Variants in NRIP1 observed in about 807,000 individuals in gnomAD.
The protein encoded by NRIP1 is nuclear receptor interacting protein 1.
In NRIP1, 28 loss-of-function variants were observed where a neutral mutation model predicts 75.0. That is an observed-to-expected ratio of 0.37 (90% CI 0.28 to 0.51). The LOEUF (loss-of-function observed/expected upper bound fraction) is 0.51. Ranked by LOEUF, NRIP1 falls within the 20% of genes least tolerant of loss-of-function variation. The probability of loss-of-function intolerance (pLI) is 0.92; values close to 1 mark genes in which losing one functional copy is unlikely to be tolerated. For missense variants in NRIP1, 1,435 were observed against 1,343.7 expected, an observed-to-expected ratio of 1.07 and a Z score of -1.06; for synonymous variants, 526 against 487.6, an observed-to-expected ratio of 1.08 and a Z score of -1.04.
chr21:15,036,017 T>C (rs1416931828), intron 2 of NRIP1, among the ~76,000 whole-genome samples: 2 of 152,198 alleles, frequency 1.3e-5, no homozygotes, highest in Non-Finnish European at 2.9e-5. Flanking sequence ...ACAAACTGCA[T>C]GCCCATGTTT....
chr21:14,977,111 C>CT (rs2087093651), intron 3 of NRIP1, among the ~76,000 whole-genome samples: 1 of 152,122 alleles, frequency 6.6e-6, no homozygotes, highest in Non-Finnish European at 1.5e-5. Context: ...AGAATAACTC[C>CT]TAATGGACAA....
chr21:14,981,753 CTCA>C (rs1369436988), intron 3 of NRIP1, among the ~76,000 whole-genome samples: 6 of 152,028 alleles, frequency 3.9e-5, no homozygotes, highest in African/African-American at 1.5e-4. Flanking sequence ...ATGAAAATCT[CTCA>C]TCATTTTTCT....
intron 1 of NRIP1, among the ~76,000 whole-genome samples, chr21:15,052,962 T>C (rs1444335648): frequency 2.6e-5 from 4 of 152,224 alleles, no homozygotes; most frequent in African/African-American, 9.7e-5. Context: ...AAGAAATCCA[T>C]ATTAATTTTA....
At chr21:14,971,967 A>T (rs1473385626) in intron 3 of NRIP1, among the ~76,000 whole-genome samples, 1 of 152,260 alleles carries the variant, frequency 6.6e-6, no homozygotes, top group Admixed American at 6.5e-5. Flanking sequence ...CGTACCAATT[A>T]CATGAAGTAG....
chr21:14,985,416 T>C (rs1482248890), intron 3 of NRIP1, among the ~76,000 whole-genome samples: 2 of 152,166 alleles, frequency 1.3e-5, no homozygotes, highest in African/African-American at 4.8e-5. Flanking sequence ...GAGAGTTCTG[T>C]GGGTTTAGAA....
At chr21:15,003,752 T>C (rs1388622092) in intron 3 of NRIP1, among the ~76,000 whole-genome samples, 1 of 151,938 alleles carries the variant, frequency 6.6e-6, no homozygotes. Flanking sequence ...AATTATCCCC[T>C]GTCAAAAGAA....
intron 3 of NRIP1, among the ~76,000 whole-genome samples, chr21:15,007,963 A>T (rs909400701): frequency 9.2e-5 from 14 of 152,164 alleles, no homozygotes; most frequent in African/African-American, 3.4e-4. Context: ...GCTGTCAGTA[A>T]ATCAAGTGTC....
At chr21:15,032,497 T>A (rs2081120024) in intron 2 of NRIP1, among the ~76,000 whole-genome samples, 2 of 145,742 alleles carry the variant, frequency 1.4e-5, no homozygotes, top group Non-Finnish European at 3.0e-5. Flanking sequence ...ATGATGGCTC[T>A]AAAAAAAAAA....
At chr21:15,044,564 T>A (rs979944347) in intron 1 of NRIP1, among the ~76,000 whole-genome samples, 1 of 152,072 alleles carries the variant, frequency 6.6e-6, no homozygotes, top group African/African-American at 2.4e-5. Context: ...CCACGCCACT[T>A]AGATCTGACT....
In NRIP1 at chr21:14,966,412, G is replaced by A. The variant is rs750535211; in HGVS notation, c.1781C>T (p.Thr594Ile). The change falls in exon 4 of 4, where the codon ACT (threonine) becomes ATT (isoleucine). Residue 594 changes from threonine to isoleucine, a missense_variant. By Grantham distance (89) the Thr-to-Ile change is moderately conservative (BLOSUM62 -1). Transcript: ENST00000318948. Reference sequence around the variant, plus strand: ...AAGGTCCATTGAGTGGTTAGATGCAGTATTTGTTAGCTTTTCAGACTGAGT... The same window carrying A: ...AAGGTCCATTGAGTGGTTAGATGCAATATTTGTTAGCTTTTCAGACTGAGT... ...CSTQSEKLTN[T>I]ASNHSMDLTK... 3.1e-6 allele frequency: 5 copies of A among 1,614,072 alleles called. No homozygotes were observed. The South Asian group carries it at 5.5e-5, about 18-fold the overall frequency.
At chr21:15,046,702 T>G (rs190250368) in intron 1 of NRIP1, among the ~76,000 whole-genome samples, 1 of 152,230 alleles carries the variant, frequency 6.6e-6, no homozygotes, top group African/African-American at 2.4e-5. Flanking sequence ...AACAGAAGGC[T>G]GTTTCATTTA....
intron 1 of NRIP1, among the ~76,000 whole-genome samples, chr21:15,055,413 A>G (rs1385703654): frequency 2.6e-5 from 4 of 152,260 alleles, no homozygotes; most frequent in Admixed American, 1.3e-4. Flanking sequence ...GAACATGTAC[A>G]TAACTGTACT....
intron 2 of NRIP1, among the ~76,000 whole-genome samples, chr21:15,028,948 C>T (rs1041559861): frequency 1.3e-5 from 2 of 152,036 alleles, no homozygotes; most frequent in Non-Finnish European, 2.9e-5. Context: ...TATTCCTAAT[C>T]TCAGATCAGC....
intron 3 of NRIP1, among the ~76,000 whole-genome samples, chr21:14,987,601 C>G (rs2087443378): frequency 6.6e-6 from 1 of 152,144 alleles, no homozygotes; most frequent in African/African-American, 2.4e-5. Context: ...TGCAGAGATG[C>G]AATTCTTTAC....
At chr21:15,000,936 GA>G (rs2087835715) in intron 3 of NRIP1, among the ~76,000 whole-genome samples, 1 of 152,076 alleles carries the variant, frequency 6.6e-6, no homozygotes, top group Admixed American at 6.6e-5. Flanking sequence ...TTATGTCACA[GA>G]GTGATATATT....
intron 3 of NRIP1, among the ~76,000 whole-genome samples, chr21:15,004,778 G>A (rs79428305): frequency 3.9e-5 from 6 of 152,298 alleles, no homozygotes; most frequent in Non-Finnish European, 5.9e-5. Context: ...TGAATGATAC[G>A]TGCTGTTATT....
intron 3 of NRIP1, among the ~76,000 whole-genome samples, chr21:14,988,470 T>TAGACAGACAGAC (rs2087470280): frequency 6.7e-6 from 1 of 148,366 alleles, no homozygotes; most frequent in East Asian, 2.0e-4. Flanking sequence ...GACAGATAGA[T>TAGACAGACAGAC]AGATAATATA....
intron 3 of NRIP1, among the ~76,000 whole-genome samples, chr21:14,980,989 T>G (rs919528366): frequency 6.6e-6 from 1 of 152,176 alleles, no homozygotes; most frequent in South Asian, 2.1e-4. Flanking sequence ...GATATCTAGA[T>G]AGAAGTTTCC....
intron 3 of NRIP1, among the ~76,000 whole-genome samples, chr21:15,011,252 C>G (rs546864679): frequency 6.6e-6 from 1 of 152,014 alleles, no homozygotes; most frequent in Non-Finnish European, 1.5e-5. Flanking sequence ...TGCAGTGGCG[C>G]GATCTCAGCT....
Sources: gnomAD v4.1 joint callset for allele counts (sites outside exome capture counted in the v4.1 genomes callset) on GRCh38, gnomAD v4.1.1 for gene constraint, MANE v1.5 for transcripts, NCBI Gene and HGNC (gene_info 2026-07-23, HGNC 2026-07-21) for gene names.